The following CALD1 variants were observed in gnomAD, a reference collection of about 807,000 sequenced individuals.
The protein encoded by CALD1 is caldesmon.
Under a neutral mutation model 99.9 loss-of-function variants are expected in CALD1, and 33 were observed. The ratio of observed to expected loss-of-function variants is 0.33; its 90% CI spans 0.25 to 0.44. CALD1 has a LOEUF of 0.44. Among genes scored for constraint, CALD1 ranks in the 20% least tolerant of loss-of-function variants. The probability of loss-of-function intolerance (pLI) is 1.00; values close to 1 mark genes in which losing one functional copy is unlikely to be tolerated. For synonymous variants in CALD1, 310 were observed against 325.0 expected, an observed-to-expected ratio of 0.95 and a Z score of 0.50; for missense variants, 861 against 962.1, an observed-to-expected ratio of 0.89 and a Z score of 1.39.
chr7:134,958,278 C>T lies in CALD1; in HGVS notation c.2049C>T (p.Thr683=). ...TTGACAGCAGACTGGAGCAGTATAC[C>T]AGTGCAATTGAGGTGAGAATTGTCC... ...SKIDSRLEQY[T]SAIEGTKSAK... Residue 683 remains threonine, a synonymous_variant, in exon 11 of 15, where the codon ACC becomes ACT. Coordinates refer to ENST00000361675, the MANE Select transcript of CALD1 (RefSeq NM_033138.4). 6.2e-7 allele frequency: 1 copy of T among 1,613,442 alleles called. No individual in the cohort carries two copies. The highest frequency in any genetic ancestry group is 1.1e-5 in the South Asian group (1 of 91,076).
At chr7:134,840,327 T>C (rs6961871) in intron 1 of CALD1, among the ~76,000 whole-genome samples, 17,025 of 152,192 alleles carry the variant, frequency 0.11, 1,793 homozygotes, top group African/African-American at 0.27. Context: ...CTTCTGGTTG[T>C]TTTGATAGAG....
rs1174141936 is a variant in CALD1 at position 134,970,077 on chromosome 7, T to C, written c.*1732T>C. The C allele has an allele frequency of 6.6e-6, 1 of 152,254 alleles. No individual in the cohort carries two copies. Among genetic ancestry groups the C allele is most frequent in the Non-Finnish European group, 1.5e-5 (1 of 68,050 alleles). The allele number at this position is 152,254 out of a possible 1,614,324, so 9.4% of individuals were successfully genotyped here. The stretch of plus-strand genomic sequence containing the variant: ...GTCTGTAAAGAGCAATTGAATCTTC[T>C]AGCTTTAGCAAACCTAAGCCAAAGG... On this transcript the variant is annotated 3_prime_UTR_variant, in exon 15 of 15. Coordinates refer to ENST00000361675, the MANE Select transcript of CALD1 (RefSeq NM_033138.4).
At chr7:134,711,726 G>GTGTC in the CALD1 span, among the ~76,000 whole-genome samples, 227 of 96,712 alleles carry the variant, frequency 2.3e-3, 2 homozygotes, top group Middle Eastern at 0.02. Context: ...GTGTGTGTGT[G>GTGTC]TCTCTCTCTC....
intron 1 of CALD1, among the ~76,000 whole-genome samples, chr7:134,792,842 G>C (rs1415967939): frequency 6.6e-6 from 1 of 152,192 alleles, no homozygotes; most frequent in African/African-American, 2.4e-5. Context: ...AGACCCTACT[G>C]CTGCTGGTAT....
the CALD1 span, among the ~76,000 whole-genome samples, chr7:134,715,803 C>G: frequency 6.6e-6 from 1 of 152,158 alleles, no homozygotes. Context: ...GGAAAATTTT[C>G]TCATAAAGTC....
rs143385480 is a variant in CALD1, at chr7:134,955,372, G to A, written c.1936-2697G>A. Among the ~76,000 whole-genome samples, 597 of 152,340 alleles carry A rather than the reference G, an allele frequency of 3.9e-3. 3 individuals are homozygous for A. The highest frequency in any genetic ancestry group is 6.0e-3 in the Non-Finnish European group (410 of 68,036). On this transcript the variant is annotated intron_variant, in intron 9 of 14. Coordinates refer to ENST00000361675, the MANE Select transcript of CALD1 (RefSeq NM_033138.4). ...CACTGCACTCCATCCTGGCAACAGA[G>A]TGAGACTCTGTCTCAAAAAAGAAAA...
Position 134,960,522 on chromosome 7 carries a change from C to T in CALD1, c.2200-11C>T, listed in dbSNP as rs760396821. On this transcript the variant is annotated splice_polypyrimidine_tract_variant and intron_variant, in intron 12 of 14. Coordinates refer to ENST00000361675, the MANE Select transcript of CALD1 (RefSeq NM_033138.4). ...CATTCTTTAATATTTTGGATGATTG[C>T]CCCTTTGTAGGAAACTGCTGGCTTG... 1.5e-5 allele frequency: 23 copies of T among 1,550,134 alleles called. No individual in the cohort carries two copies. The highest frequency in any genetic ancestry group is 2.0e-5 in the Non-Finnish European group (23 of 1,123,744).
intron 1 of CALD1, among the ~76,000 whole-genome samples, chr7:134,787,500 C>A (rs1468553848): frequency 6.6e-6 from 1 of 152,192 alleles, no homozygotes; most frequent in Admixed American, 6.5e-5. Context: ...ATGCACAAAT[C>A]CTGAAGAGGG....
At chr7:134,947,900 G>A (rs1212246230) in intron 8 of CALD1, 131 bp downstream of exon 8, 1 of 1,098,284 alleles carries the variant, frequency 9.1e-7, no homozygotes, top group Non-Finnish European at 1.3e-6. Context: ...GCTAGGTACT[G>A]TTTTATAACT....
chr7:134,776,097 T>C (rs1030867788), upstream of CALD1, among the ~76,000 whole-genome samples: 2 of 152,216 alleles, frequency 1.3e-5, no homozygotes, highest in African/African-American at 4.8e-5. Context: ...AAGACCTTTA[T>C]TTCTCTTTCT....
chr7:134,776,780 G>T (rs1796922015), upstream of CALD1, among the ~76,000 whole-genome samples: 1 of 152,086 alleles, frequency 6.6e-6, no homozygotes, highest in Non-Finnish European at 1.5e-5. Flanking sequence ...ATGACTAAAT[G>T]AAGTAACTAA....
chr7:134,751,218 AC>A (rs1796683116), intron 1 of CALD1, among the ~76,000 whole-genome samples: 1 of 152,202 alleles, frequency 6.6e-6, no homozygotes, highest in Non-Finnish European at 1.5e-5. Context: ...TAACAACAAT[AC>A]CTACCTTGTA....
At chr7:134,724,217 G>A in the CALD1 span, among the ~76,000 whole-genome samples, 2 of 152,200 alleles carry the variant, frequency 1.3e-5, no homozygotes, top group Non-Finnish European at 2.9e-5. Context: ...ATATTTCTCC[G>A]GAGGTGAGAG....
rs747660510 is a variant in CALD1 at position 134,952,473 on chromosome 7, C to CTTTTTTTT, written c.1935+1967_1935+1974dup. Among the ~76,000 whole-genome samples, 3 of 140,940 alleles carry CTTTTTTTT rather than the reference C, an allele frequency of 2.1e-5. 1 individual carries two copies. Among genetic ancestry groups the CTTTTTTTT allele is most frequent in the Non-Finnish European group, 4.7e-5 (3 of 64,344 alleles). 92.5% of individuals were successfully genotyped at this position (140,940 alleles called of 152,430 possible). A position where few individuals can be genotyped will look rare whatever the true frequency, so the allele number is the denominator to read the frequency against. Reference sequence around the variant, plus strand: ...TAATCCCCAAATAACTTCCCTTAGTCTTTTTTTTTTTTTTTGAGATAGAGT... The same window carrying CTTTTTTTT: ...TAATCCCCAAATAACTTCCCTTAGTCTTTTTTTTTTTTTTTTTTTTTTTGAGATAGAGT... On this transcript the variant is annotated intron_variant, in intron 9 of 14. Coordinates refer to ENST00000361675, the MANE Select transcript of CALD1 (RefSeq NM_033138.4).
chr7:134,916,614 T>C (rs929562158), intron 3 of CALD1, among the ~76,000 whole-genome samples: 2 of 152,258 alleles, frequency 1.3e-5, no homozygotes, highest in African/African-American at 4.8e-5. Flanking sequence ...ATCCACATGC[T>C]GTGTACCGTT....
chr7:134,950,990 A>T (rs1445169608), intron 9 of CALD1, among the ~76,000 whole-genome samples: 1 of 152,194 alleles, frequency 6.6e-6, no homozygotes, highest in Non-Finnish European at 1.5e-5. Context: ...TGGAGGCTGG[A>T]AAGTCAAAGA....
At chr7:134,756,265 T>G in intron 1 of CALD1, among the ~76,000 whole-genome samples, 1 of 97,090 alleles carries the variant, frequency 1.0e-5, no homozygotes, top group South Asian at 4.4e-4. Flanking sequence ...AGAGTGAGAC[T>G]TTGTCTCAAA....
intron 1 of CALD1, among the ~76,000 whole-genome samples, chr7:134,759,110 T>C (rs1796755407): frequency 6.6e-6 from 1 of 152,264 alleles, no homozygotes; most frequent in African/African-American, 2.4e-5. Context: ...TGCATGACCA[T>C]CACGTTTATA....
chr7:134,817,373 A>C (rs1419262974), intron 1 of CALD1, among the ~76,000 whole-genome samples: 1 of 152,186 alleles, frequency 6.6e-6, no homozygotes, highest in Non-Finnish European at 1.5e-5. Context: ...GGAAGTTACA[A>C]AATAGTATAG....
Sources: allele counts gnomAD v4.1 joint callset (sites outside exome capture counted in the v4.1 genomes callset), GRCh38; gene constraint gnomAD v4.1.1; transcripts MANE v1.5; gene names NCBI Gene and HGNC (gene_info 2026-07-23, HGNC 2026-07-21).